The following XIRP2 variants were observed in gnomAD, a reference collection of about 807,000 sequenced individuals.
The protein encoded by XIRP2 is xin actin-binding repeat-containing protein 2.
A neutral mutation model predicts 277.0 loss-of-function variants in XIRP2; 236 were observed. The ratio of observed to expected loss-of-function variants is 0.85; its 90% CI spans 0.77 to 0.95. The LOEUF is 0.95. Among genes scored for constraint, XIRP2 ranks in the 40% least tolerant of loss-of-function variants. The pLI, the probability that XIRP2 is intolerant of heterozygous loss-of-function variation, is 0.00. For synonymous variants in XIRP2, 1,490 were observed against 1,416.5 expected (o/e 1.05, Z -1.17); for missense variants, 4,640 against 4,157.5 (o/e 1.12, Z -3.19).
intron 2 of XIRP2, among the ~76,000 whole-genome samples, chr2:167,053,161 T>C (rs1688957212): frequency 6.6e-6 from 1 of 152,240 alleles, no homozygotes; most frequent in African/African-American, 2.4e-5. Context: ...CCCATATAAT[T>C]ATCTTTTGAA....
At chr2:166,979,856 TG>T (rs1455004559) in intron 2 of XIRP2, among the ~76,000 whole-genome samples, 1 of 151,838 alleles carries the variant, frequency 6.6e-6, no homozygotes, top group Non-Finnish European at 1.5e-5. Context: ...CATCTTTTCT[TG>T]GTTTGTTATT....
intron 3 of XIRP2, among the ~76,000 whole-genome samples, chr2:167,138,198 T>G (rs768934515): frequency 1.3e-5 from 2 of 152,216 alleles, no homozygotes; most frequent in Non-Finnish European, 2.9e-5. Flanking sequence ...TGAGGCAGTA[T>G]TTATTTGTAG....
intron 2 of XIRP2, among the ~76,000 whole-genome samples, chr2:167,010,404 G>C (rs1485374246): frequency 5.3e-5 from 8 of 151,488 alleles, no homozygotes; most frequent in Non-Finnish European, 7.4e-5. Context: ...ATTTCTGAGG[G>C]CTCTGTTCTG....
chr2:166,918,002 ATGAGCTTATC>A (rs1684936185), intron 2 of XIRP2, among the ~76,000 whole-genome samples: 1 of 152,158 alleles, frequency 6.6e-6, no homozygotes, highest in African/African-American at 2.4e-5. Flanking sequence ...GCCTTCCTAC[ATGAGCTTATC>A]TGATGTTTTT....
Position 167,246,384 on chromosome 2 carries a change from A to C in XIRP2, c.4992A>C (p.Lys1664Asn). 1.2e-6 allele frequency: 2 copies of C among 1,613,440 alleles called. No homozygotes were observed. The highest frequency in any genetic ancestry group is 1.1e-5 in the South Asian group (1 of 90,974). ...AAGGTGATGTACAACAAGCAATAAA[A>C]AACCTGTTCTCTGAGGAAAGATCTG... ...IVKGDVQQAI[K>N]NLFSEERSVK... Residue 1664 changes from lysine to asparagine, a missense_variant, in exon 9 of 11, where the codon AAA (lysine) becomes AAC (asparagine). Coordinates refer to ENST00000409195, the MANE Select transcript of XIRP2 (RefSeq NM_152381.6).
intron 6 of XIRP2, 93 bp downstream of exon 6, chr2:167,240,058 A>C (rs1010193518): frequency 3.5e-5 from 38 of 1,091,524 alleles, no homozygotes; most frequent in Non-Finnish European, 7.7e-6. Context: ...ATTGTCACTC[A>C]TGTATCTAGT....
At chr2:167,119,910 T>C (rs1242827516) in intron 2 of XIRP2, among the ~76,000 whole-genome samples, 3 of 152,182 alleles carry the variant, frequency 2.0e-5, no homozygotes, top group Admixed American at 1.3e-4. Context: ...CTTCTCCCTT[T>C]CAGCATCATA....
chr2:167,025,132 T>G (rs566778576), intron 2 of XIRP2, among the ~76,000 whole-genome samples: 35 of 152,150 alleles, frequency 2.3e-4, no homozygotes, highest in Non-Finnish European at 3.4e-4. Flanking sequence ...CAATTTCAGA[T>G]CCTGTTATTG....
At chr2:167,058,284 G>A (rs563558258) in intron 2 of XIRP2, among the ~76,000 whole-genome samples, 85 of 151,814 alleles carry the variant, frequency 5.6e-4, no homozygotes, top group South Asian at 4.4e-3. Context: ...ACGGGGTTTC[G>A]CCATGTTCCC....
chr2:166,969,682 T>G lies in XIRP2; in HGVS notation c.408+65792T>G, dbSNP rs1686525713. On this transcript the variant is annotated intron_variant, in intron 2 of 10. Coordinates refer to ENST00000409195, the MANE Select transcript of XIRP2 (RefSeq NM_152381.6). ...TCATGCTTGCTTTTTAGAGGATCTA[T>G]TCAAAGAACTCATTAAAACCATTCA... Among the ~76,000 whole-genome samples the G allele has an allele frequency of 1.3e-5, 2 of 151,918 alleles. 1 individual carries two copies. The highest frequency in any genetic ancestry group is 4.1e-4 in the South Asian group (2 of 4,834).
At chr2:167,163,867 G>A (rs1180102818) in intron 3 of XIRP2, among the ~76,000 whole-genome samples, 1 of 152,124 alleles carries the variant, frequency 6.6e-6, no homozygotes, top group Non-Finnish European at 1.5e-5. Context: ...TTATTTCCGT[G>A]TGGATGACCA....
Position 167,248,724 on chromosome 2 carries a change from T to A in XIRP2, c.7332T>A (p.Val2444=). ...KDNKNDFSPK[V]ELATSLSDME... Reference sequence around the variant, plus strand: ...ATAAGAACGATTTTTCCCCCAAAGTTGAACTGGCAACCTCCCTGTCAGATA... The same window carrying A: ...ATAAGAACGATTTTTCCCCCAAAGTAGAACTGGCAACCTCCCTGTCAGATA... Residue 2444 remains valine, a synonymous_variant, in exon 9 of 11, where the codon GTT becomes GTA. Coordinates refer to ENST00000409195, the MANE Select transcript of XIRP2 (RefSeq NM_152381.6). The A allele has an allele frequency of 6.2e-7, 1 of 1,613,742 alleles. No homozygotes were observed. The highest frequency in any genetic ancestry group is 2.2e-5 in the East Asian group (1 of 44,846).
At chr2:167,155,125 C>G (rs201947672) in intron 3 of XIRP2, among the ~76,000 whole-genome samples, 8,278 of 140,334 alleles carry the variant, frequency 0.059, 300 homozygotes, top group Middle Eastern at 0.11. Flanking sequence ...ACCAAAAAGA[C>G]TCCAGGACCA....
At chr2:167,010,688 C>A (rs941400086) in intron 2 of XIRP2, among the ~76,000 whole-genome samples, 1 of 152,146 alleles carries the variant, frequency 6.6e-6, no homozygotes, top group Non-Finnish European at 1.5e-5. Flanking sequence ...GATATTGATT[C>A]TTCCTACCCA....
At chr2:166,987,825 A>G (rs1171155931) in intron 2 of XIRP2, among the ~76,000 whole-genome samples, 1 of 152,232 alleles carries the variant, frequency 6.6e-6, no homozygotes, top group Non-Finnish European at 1.5e-5. Flanking sequence ...AAATTAAGTA[A>G]CAATAGTAAC....
At chr2:166,951,024 C>T (rs189998259) in intron 2 of XIRP2, among the ~76,000 whole-genome samples, 33 of 151,498 alleles carry the variant, frequency 2.2e-4, no homozygotes, top group Admixed American at 1.1e-3. Context: ...AAATATCTAG[C>T]ATTTTGGTCC....
intron 3 of XIRP2, among the ~76,000 whole-genome samples, chr2:167,166,026 T>C (rs546308985): frequency 3.3e-5 from 5 of 152,208 alleles, no homozygotes; most frequent in Non-Finnish European, 7.3e-5. Flanking sequence ...GTTAGGTTTA[T>C]GTCTAGCTTA....
At position 167,251,328 on chromosome 2, in the gene XIRP2, T is replaced by C; in HGVS notation, c.9936T>C (p.Tyr3312=). The stretch of plus-strand genomic sequence containing the variant: ...GCCTGTCAGAGCACACACAGAGATA[T>C]GAAGCGGCCAACCGAACTGTTCAAA... The part of the protein sequence containing the change: ...PPRLSEHTQR[Y]EAANRTVQMA... The change falls in exon 9 of 11, where the codon TAT becomes TAC. Residue 3312 remains tyrosine, a synonymous_variant. Transcript: ENST00000409195. The C allele has an allele frequency of 1.9e-6, 3 of 1,613,562 alleles. No individual in the cohort carries two copies. Among genetic ancestry groups the C allele is most frequent in the South Asian group, 1.1e-5 (1 of 91,078 alleles).
chr2:167,248,935 A>G lies in XIRP2; in HGVS notation c.7543A>G (p.Ile2515Val). The change falls in exon 9 of 11, where the codon ATT becomes GTT. Residue 2515 changes from isoleucine (I) to valine (V), a missense_variant. Coordinates refer to ENST00000409195, the MANE Select transcript of XIRP2 (RefSeq NM_152381.6). ...PGTSAPRKKQIAPLIKSHSFP... is the reference protein window; with the variant it reads ...PGTSAPRKKQVAPLIKSHSFP... ...AACTTCAGCACCCAGGAAAAAACAG[A>G]TTGCGCCTCTTATAAAATCTCATTC... 6.2e-7 allele frequency: 1 copy of G among 1,613,780 alleles called. No individual in the cohort carries two copies. The highest frequency in any genetic ancestry group is 2.2e-5 in the East Asian group (1 of 44,848).
Sources: gnomAD v4.1 joint callset for allele counts (sites outside exome capture counted in the v4.1 genomes callset) on GRCh38, gnomAD v4.1.1 for gene constraint, MANE v1.5 for transcripts, NCBI Gene and HGNC (gene_info 2026-07-23, HGNC 2026-07-21) for gene names.